Variants in BBX observed in about 807,000 individuals in gnomAD.
BBX encodes HMG box transcription factor BBX.
A neutral mutation model predicts 100.2 loss-of-function variants in BBX; 30 were observed. The ratio of observed to expected loss-of-function variants is 0.30; its 90% CI spans 0.22 to 0.41. BBX has a LOEUF of 0.41. BBX is among the 10% of genes least tolerant of loss of function. The probability of loss-of-function intolerance (pLI) is 1.00; values close to 1 mark genes in which losing one functional copy is unlikely to be tolerated. For missense variants in BBX, 1,023 were observed against 1,129.8 expected (o/e 0.91, Z 1.35); for synonymous variants, 376 against 388.1 (o/e 0.97, Z 0.37).
chr3:107,738,449 T>TAA (rs1201170112), intron 7 of BBX, among the ~76,000 whole-genome samples: 1 of 152,174 alleles, frequency 6.6e-6, no homozygotes, highest in East Asian at 1.9e-4. Context: ...GCTCAATTCT[T>TAA]AAGTGTATTC....
At chr3:107,535,994 A>G (rs2048467494) in intron 2 of BBX, among the ~76,000 whole-genome samples, 1 of 152,268 alleles carries the variant, frequency 6.6e-6, no homozygotes, top group African/African-American at 2.4e-5. Flanking sequence ...TTTACTTCTG[A>G]CATTAGCTTT....
chr3:107,675,725 T>C (rs2059247352), intron 3 of BBX, among the ~76,000 whole-genome samples: 1 of 152,136 alleles, frequency 6.6e-6, no homozygotes, highest in South Asian at 2.1e-4. Context: ...AGAGTTCTGA[T>C]TTTGTGGTCA....
chr3:107,776,792 G>T lies in BBX; in HGVS notation c.2055-1579G>T, dbSNP rs1003321926. Among the ~76,000 whole-genome samples, 49 of 152,022 alleles carry T rather than the reference G, an allele frequency of 3.2e-4. 1 individual carries two copies. Among genetic ancestry groups the T allele is most frequent in the Non-Finnish European group, 1.3e-4 (9 of 68,010 alleles). ...TCTCACATTTTCAGTTTTCTTTTGGGTATTCAGAGTATTTGAAAAATTCAC... is the reference window on the plus strand; with the variant it reads ...TCTCACATTTTCAGTTTTCTTTTGGTTATTCAGAGTATTTGAAAAATTCAC... On this transcript the variant is annotated intron_variant, in intron 12 of 17. Transcript: ENST00000325805.
intron 2 of BBX, among the ~76,000 whole-genome samples, chr3:107,628,932 C>T (rs2056377130): frequency 6.6e-6 from 1 of 152,156 alleles, no homozygotes; most frequent in Admixed American, 6.6e-5. Flanking sequence ...TCATGTTTAT[C>T]ACAAACAGCA....
chr3:107,546,828 C>T (rs974364433), intron 2 of BBX, among the ~76,000 whole-genome samples: 2 of 152,002 alleles, frequency 1.3e-5, no homozygotes, highest in African/African-American at 4.8e-5. Flanking sequence ...TATATGGTTC[C>T]TTTATCCTCT....
intron 2 of BBX, among the ~76,000 whole-genome samples, chr3:107,627,741 A>G (rs565260550): frequency 6.6e-6 from 1 of 152,038 alleles, no homozygotes; most frequent in East Asian, 1.9e-4. Context: ...CTTATAGAGG[A>G]CACTAATTAT....
chr3:107,797,670 AG>A (rs2069887447), intron 15 of BBX, among the ~76,000 whole-genome samples: 1 of 152,008 alleles, frequency 6.6e-6, no homozygotes, highest in Non-Finnish European at 1.5e-5. Context: ...TAAGGTCAGG[AG>A]GGGGTAAACT....
Position 107,789,786 on chromosome 3 carries a change from G to A in BBX, c.2204-1G>A, listed in dbSNP as rs1349698264. On this transcript the variant is annotated splice_acceptor_variant, in intron 13 of 17. Coordinates refer to ENST00000325805, the MANE Select transcript of BBX (RefSeq NM_001142568.3). LOFTEE classifies it high-confidence loss of function. ...TATATTTATATTAATATTGTCTGTA[G>A]GTCCTTTCCAGTCTCAGAAAAAGAA... The A allele has an allele frequency of 1.3e-6, 2 of 1,514,172 alleles. No homozygotes were observed. Among genetic ancestry groups the A allele is most frequent in the Non-Finnish European group, 9.0e-7 (1 of 1,114,566 alleles). The allele number at this position is 1,514,172 out of a possible 1,614,324, so 93.8% of individuals were successfully genotyped here.
At chr3:107,559,206 A>G (rs373123032) in intron 2 of BBX, among the ~76,000 whole-genome samples, 19 of 152,374 alleles carry the variant, frequency 1.2e-4, no homozygotes, top group African/African-American at 4.6e-4. Flanking sequence ...TGACGTAATC[A>G]GAGTATACTT....
At chr3:107,650,747 T>C (rs1031377691) in intron 3 of BBX, among the ~76,000 whole-genome samples, 2 of 152,200 alleles carry the variant, frequency 1.3e-5, no homozygotes, top group African/African-American at 4.8e-5. Flanking sequence ...TCAAAAAATA[T>C]AAACTCTGCA....
At position 107,806,993 on chromosome 3, in the gene BBX, T is replaced by C. The variant is rs1231999385; in HGVS notation, c.*1536T>C. On this transcript the variant is annotated 3_prime_UTR_variant, in exon 18 of 18. Transcript: ENST00000325805. ...TCTAAATGGTGACAGTTTACATGGT[T>C]TTATCTAGCTTTCTTATTTATACTT... 1 of 152,202 alleles carries C rather than the reference T, an allele frequency of 6.6e-6. No individual in the cohort carries two copies. Among genetic ancestry groups the C allele is most frequent in the Non-Finnish European group, 1.5e-5 (1 of 68,044 alleles). 9.4% of individuals were successfully genotyped at this position (152,202 alleles called of 1,614,324 possible). A position where few individuals can be genotyped will look rare whatever the true frequency, so the allele number is the denominator to read the frequency against.
chr3:107,666,479 T>G (rs1424038166), intron 3 of BBX, among the ~76,000 whole-genome samples: 1 of 152,026 alleles, frequency 6.6e-6, no homozygotes, highest in East Asian at 1.9e-4. Flanking sequence ...GGGAAACTTC[T>G]TTAGTGAAGG....
intron 2 of BBX, chr3:107,599,164 G>T (rs928858911): frequency 6.6e-6 from 1 of 152,202 alleles, no homozygotes; most frequent in African/African-American, 2.4e-5. Context: ...GGAAGGAAAG[G>T]TATGGCAGGA....
intron 5 of BBX, among the ~76,000 whole-genome samples, chr3:107,727,550 T>C (rs796326051): frequency 1.3e-5 from 2 of 152,278 alleles, no homozygotes; most frequent in African/African-American, 4.8e-5. Flanking sequence ...CATGTATCAA[T>C]AGGCATATAT....
Position 107,574,565 on chromosome 3 carries a change from C to T in BBX, c.-84+48167C>T, listed in dbSNP as rs141222448. Among the ~76,000 whole-genome samples the T allele has an allele frequency of 3.8e-3, 577 of 151,998 alleles. 3 individuals are homozygous for T. Among genetic ancestry groups the T allele is most frequent in the African/African-American group, 0.013 (531 of 41,418 alleles). On this transcript the variant is annotated intron_variant, in intron 2 of 17. Transcript: ENST00000325805. ...CACATATGATAATAAACACTCAATT[C>T]GTTGAAATGAAGTAAAGGAAATTCT...
chr3:107,562,590 T>C (rs1266543083), intron 2 of BBX, among the ~76,000 whole-genome samples: 1 of 152,176 alleles, frequency 6.6e-6, no homozygotes, highest in East Asian at 1.9e-4. Flanking sequence ...AGTATATTTT[T>C]AAGAAACATT....
Position 107,800,084 on chromosome 3 carries a change from A to C in BBX, c.2552-1011A>C, listed in dbSNP as rs977844658. The stretch of plus-strand genomic sequence containing the variant: ...GTTTTGAATATTTAGATTGTTAGAA[A>C]CATAGAGTATATTAAAGGCCCTGAT... On this transcript the variant is annotated intron_variant, in intron 16 of 17. Transcript: ENST00000325805. Among the ~76,000 whole-genome samples, 11 of 152,228 alleles carry C rather than the reference A, an allele frequency of 7.2e-5. No homozygotes were observed. The East Asian group carries it at 1.9e-3, about 27-fold the overall frequency.
chr3:107,622,678 T>A (rs565941519), intron 2 of BBX, among the ~76,000 whole-genome samples: 1 of 152,344 alleles, frequency 6.6e-6, no homozygotes, highest in East Asian at 1.9e-4. Flanking sequence ...TGCTTGAGTG[T>A]CTTTTTTCTG....
intron 2 of BBX, among the ~76,000 whole-genome samples, chr3:107,549,089 C>T (rs1204646790): frequency 6.6e-6 from 1 of 152,166 alleles, no homozygotes; most frequent in Non-Finnish European, 1.5e-5. Context: ...ACCTCAGCAT[C>T]ATGCAATATA....
Sources: gnomAD v4.1 joint callset for allele counts (sites outside exome capture counted in the v4.1 genomes callset) on GRCh38, gnomAD v4.1.1 for gene constraint, MANE v1.5 for transcripts, NCBI Gene and HGNC (gene_info 2026-07-23, HGNC 2026-07-21) for gene names.